RGS3: variants seen among roughly 807,000 people sequenced by gnomAD.
RGS3 encodes regulator of G protein signaling 3.
RGS3 carries 80 observed loss-of-function variants against 132.6 expected under a neutral mutation model. The ratio of observed to expected loss-of-function variants is 0.60; its 90% CI spans 0.50 to 0.73. The LOEUF (loss-of-function observed/expected upper bound fraction) is 0.73, where lower values mean the gene tolerates loss of function less well. RGS3 is among the 30% of genes least tolerant of loss of function. The pLI, the probability that RGS3 is intolerant of heterozygous loss-of-function variation, is 0.00. For synonymous variants in RGS3, 598 were observed against 620.6 expected (o/e 0.96, Z 0.54); for missense variants, 1,382 against 1,530.8 (o/e 0.90, Z 1.62).
intron 9 of RGS3, 116 bp downstream of exon 7, chr9:113,497,520 C>A: frequency 2.4e-6 from 2 of 846,604 alleles, no homozygotes; most frequent in Non-Finnish European, 3.7e-6. Context: ...TGCTATCAGC[C>A]TGCTGGGTGC....
At chr9:113,551,049 A>C (rs1833319397) in intron 19 of RGS3, among the ~76,000 whole-genome samples, 1 of 152,238 alleles carries the variant, frequency 6.6e-6, no homozygotes, top group African/African-American at 2.4e-5. Context: ...CACTTGTGTA[A>C]CCATCACCAC....
intron 20 of RGS3, among the ~76,000 whole-genome samples, chr9:113,587,226 G>A (rs2119005599): frequency 6.7e-6 from 1 of 150,366 alleles, no homozygotes; most frequent in South Asian, 2.1e-4. Context: ...ATGCTGATGA[G>A]GGGCCGGGGG....
At chr9:113,510,616 T>C (rs758267905) in intron 14 of RGS3, among the ~76,000 whole-genome samples, 28 of 152,246 alleles carry the variant, frequency 1.8e-4, no homozygotes, top group Non-Finnish European at 3.5e-4. Context: ...AGTTGAGAGG[T>C]ACTTCTGTGT....
In RGS3 at chr9:113,573,392, C is replaced by T. The variant is rs143053015; in HGVS notation, c.2038-10058C>T. ...GAGGAAGGCAAGGAGCAGAGGGGCA[C>T]CACCATGGGCTACTGTGTGCCAGGC... On this transcript the variant is annotated intron_variant, in intron 19 of 24. Coordinates refer to ENST00000350696, the Ensembl canonical transcript of RGS3. Among the ~76,000 whole-genome samples the T allele has an allele frequency of 3.0e-4, 46 of 152,298 alleles. 1 individual carries two copies. The East Asian group carries it at 8.9e-3, about 29-fold the overall frequency.
At chr9:113,540,017 C>T (rs770131245) in intron 19 of RGS3, among the ~76,000 whole-genome samples, 17 of 151,874 alleles carry the variant, frequency 1.1e-4, no homozygotes, top group Non-Finnish European at 2.1e-4. Flanking sequence ...AGCTGAGGGC[C>T]GGGGGCCATC....
intron 18 of RGS3, among the ~76,000 whole-genome samples, chr9:113,530,454 G>A (rs959392736): frequency 3.3e-5 from 5 of 152,226 alleles, no homozygotes; most frequent in African/African-American, 1.2e-4. Context: ...CACAGGAAGT[G>A]GCTGATGGAA....
chr9:113,461,576 C>A (rs1829471107), intron 1 of RGS3: 1 of 927,108 alleles, frequency 1.1e-6, no homozygotes, highest in Non-Finnish European at 1.6e-6. Flanking sequence ...GCTGGCCTTG[C>A]AATCTTCCAA....
intron 19 of RGS3, among the ~76,000 whole-genome samples, chr9:113,543,812 CG>C (rs1197869700): frequency 6.6e-6 from 1 of 152,198 alleles, no homozygotes; most frequent in Non-Finnish European, 1.5e-5. Flanking sequence ...GCTGCTGAGT[CG>C]AGCAGATGCT....
chr9:113,514,724 A>T, intron 15 of RGS3, 70 bp downstream of exon 13: 1 of 1,491,852 alleles, frequency 6.7e-7, no homozygotes, highest in Non-Finnish European at 9.2e-7. Context: ...TTGCCCCAGG[A>T]CTCAGGGATG....
Position 113,584,294 on chromosome 9 carries a change from C to T in RGS3, c.2882C>T (p.Thr961Ile), listed in dbSNP as rs201299150. The T allele has an allele frequency of 7.5e-6, 12 of 1,610,352 alleles. No individual in the cohort carries two copies. The South Asian group carries it at 9.9e-5, about 13-fold the overall frequency. ...GGGCCCTGCTTTGCCTCCGACACCA[C>T]CTTGCACTGCTCAGACGGTGAGGGC... The change falls in exon 20 of 25, where the codon ACC becomes ATC. Residue 961 changes from threonine (T) to isoleucine (I), a missense_variant. Transcript: ENST00000350696.
chr9:113,488,896 C>T (rs1275732126), intron 7 of RGS3, among the ~76,000 whole-genome samples: 1 of 152,174 alleles, frequency 6.6e-6, no homozygotes, highest in Non-Finnish European at 1.5e-5. Flanking sequence ...AGGAGGCAGA[C>T]AGAGTGATTG....
intron 6 of RGS3, among the ~76,000 whole-genome samples, 186 bp downstream of exon 4, chr9:113,484,418 C>G (rs1830265883): frequency 6.6e-6 from 1 of 151,598 alleles, no homozygotes. Context: ...GTCCTTGCAT[C>G]CCTGGCACCA....
chr9:113,451,442 C>T (rs1829243197), intron 1 of RGS3, among the ~76,000 whole-genome samples: 1 of 152,210 alleles, frequency 6.6e-6, no homozygotes, highest in Non-Finnish European at 1.5e-5. Flanking sequence ...GATCCAGAAA[C>T]AGACTTTACT....
At chr9:113,548,175 T>C (rs909362248) in intron 19 of RGS3, among the ~76,000 whole-genome samples, 1 of 152,152 alleles carries the variant, frequency 6.6e-6, no homozygotes, top group Non-Finnish European at 1.5e-5. Flanking sequence ...AGAAACCAAG[T>C]GAAAGAGGCA....
Position 113,588,348 on chromosome 9 carries a change from G to A in RGS3, c.3016-2985G>A, listed in dbSNP as rs141467752. On this transcript the variant is annotated intron_variant, in intron 20 of 24. Coordinates refer to ENST00000350696, the Ensembl canonical transcript of RGS3. ...TAGAGTTTAAATCCACTGTTTCCAC[G>A]TGGTTCCATGGGGCCTGCCAGCCTG... Among the ~76,000 whole-genome samples, 37 of 152,362 alleles carry A rather than the reference G, an allele frequency of 2.4e-4. No individual in the cohort carries two copies. In the East Asian group the frequency reaches 4.6e-3, roughly 19 times the overall value.
At chr9:113,485,536 AT>A in intron 6 of RGS3, 88 bp from the exon 5 acceptor site, 1 of 980,100 alleles carries the variant, frequency 1.0e-6, no homozygotes, top group Non-Finnish European at 1.6e-6. Flanking sequence ...TTACTTCCAC[AT>A]TTTTGGAATT....
upstream of RGS3, among the ~76,000 whole-genome samples, chr9:113,458,993 C>T (rs1829415191): frequency 6.6e-6 from 1 of 152,238 alleles, no homozygotes. Flanking sequence ...TCAGGTGATC[C>T]ATCCATCTTG....
chr9:113,536,249 ACT>A (rs772393807), intron 18 of RGS3, among the ~76,000 whole-genome samples: 6 of 152,010 alleles, frequency 3.9e-5, no homozygotes, highest in Non-Finnish European at 8.8e-5. Flanking sequence ...GGGCCACATG[ACT>A]CTGCCCGTCA....
chr9:113,557,368 A>G (rs564977266), intron 19 of RGS3, among the ~76,000 whole-genome samples: 1 of 152,320 alleles, frequency 6.6e-6, no homozygotes, highest in South Asian at 2.1e-4. Context: ...GACTCCCTCA[A>G]TCATTTCATC....
Sources: allele counts gnomAD v4.1 joint callset (sites outside exome capture counted in the v4.1 genomes callset), GRCh38; gene constraint gnomAD v4.1.1; transcripts MANE v1.5; gene names NCBI Gene and HGNC (gene_info 2026-07-23, HGNC 2026-07-21).